The following SYNE2 variants were observed in gnomAD, a reference collection of about 807,000 sequenced individuals.
SYNE2 encodes nesprin-2.
SYNE2 carries 431 observed loss-of-function variants against 856.3 expected under a neutral mutation model. That is an observed-to-expected ratio of 0.50 (90% confidence interval 0.47 to 0.55). The LOEUF (loss-of-function observed/expected upper bound fraction) is 0.55, where lower values mean the gene tolerates loss of function less well. Among genes scored for constraint, SYNE2 ranks in the 20% least tolerant of loss-of-function variants. The pLI is 0.00. For synonymous variants in SYNE2, 2,923 were observed against 2,872.3 expected, an observed-to-expected ratio of 1.02 and a Z score of -0.56; for missense variants, 8,129 against 8,023.2, an observed-to-expected ratio of 1.01 and a Z score of -0.50.
intron 73 of SYNE2, among the ~76,000 whole-genome samples, chr14:64,127,535 G>T (rs1856434433): frequency 6.6e-6 from 1 of 152,170 alleles, no homozygotes; most frequent in African/African-American, 2.4e-5. Flanking sequence ...AAATGGTGGG[G>T]CGGGGGAGGC....
chr14:63,969,021 T>C (rs1168277762), intron 11 of SYNE2, among the ~76,000 whole-genome samples: 1 of 152,194 alleles, frequency 6.6e-6, no homozygotes, highest in Admixed American at 6.6e-5. Flanking sequence ...CCTTCTACTG[T>C]CTGTCTCCAT....
At chr14:63,882,711 A>G (rs2094893329) in intron 1 of SYNE2, among the ~76,000 whole-genome samples, 1 of 151,864 alleles carries the variant, frequency 6.6e-6, no homozygotes, top group Non-Finnish European at 1.5e-5. Flanking sequence ...ATCTCAGAAA[A>G]ACAAACAAAC....
intron 1 of SYNE2, among the ~76,000 whole-genome samples, chr14:63,807,865 A>ATT (rs1267385896): frequency 3.1e-5 from 3 of 97,402 alleles, no homozygotes; most frequent in African/African-American, 1.1e-4. Flanking sequence ...ATATATATAT[A>ATT]ATTTCAATAG....
chr14:64,087,343 A>C, intron 57 of SYNE2: 1 of 499,118 alleles, frequency 2.0e-6, no homozygotes, highest in Non-Finnish European at 4.0e-6. Context: ...GACATCTTAA[A>C]TTTGAAAGTT....
intron 83 of SYNE2, among the ~76,000 whole-genome samples, chr14:64,145,085 C>T (rs942148939): frequency 6.6e-6 from 1 of 151,858 alleles, no homozygotes; most frequent in African/African-American, 2.4e-5. Context: ...TGCCGCCACG[C>T]CTAGCTAATT....
chr14:63,977,783 G>A, intron 12 of SYNE2, 122 bp from the exon 13 acceptor site: 4 of 729,092 alleles, frequency 5.5e-6, no homozygotes, highest in Non-Finnish European at 9.7e-6. Flanking sequence ...AAAAAGGTGG[G>A]TTGTGGGGAG....
intron 101 of SYNE2, 92 bp from the exon 102 acceptor site, chr14:64,209,336 C>T (rs564624555): frequency 3.1e-6 from 5 of 1,601,024 alleles, no homozygotes; most frequent in South Asian, 2.2e-5. Context: ...GGGTCTCCCC[C>T]ACTAAACCGT....
chr14:64,219,051 G>C (rs972293873), intron 109 of SYNE2, among the ~76,000 whole-genome samples, 157 bp from the exon 110 acceptor site: 1 of 149,112 alleles, frequency 6.7e-6, no homozygotes, highest in African/African-American at 2.5e-5. Context: ...CAGGAGAAGA[G>C]AGAACTCCCA....
At chr14:64,053,757 A>C (rs1027185389) in intron 48 of SYNE2, 100 bp downstream of exon 48, 4 of 1,195,716 alleles carry the variant, frequency 3.3e-6, no homozygotes, top group Non-Finnish European at 3.5e-6. Context: ...ACTTGAGGCC[A>C]AGTAGAGACC....
Position 64,097,961 on chromosome 14 carries a change from C to T in SYNE2, c.12121C>T (p.Arg4041Cys), listed in dbSNP as rs146197259. 265 of 1,614,204 alleles carry T rather than the reference C, an allele frequency of 1.6e-4. 4 individuals are homozygous for T. Among genetic ancestry groups the T allele is most frequent in the East Asian group, 1.3e-3 (58 of 44,888 alleles). The change falls in exon 62 of 116, where the codon CGT becomes TGT. Residue 4041 changes from arginine to cysteine, a missense_variant. Physicochemically the swap from Arg to Cys is radical, Grantham distance 180. This residue lies in a region of SYNE2 where 5,410 missense variants were observed against 5,284.8 expected (regional missense o/e 1.02). Coordinates refer to ENST00000555002, the MANE Select transcript of SYNE2 (RefSeq NM_182914.3). ...KLPQLQGEIE[R>C]MEKQILSLNQ... ...TCTTTCTACACAGGGAGAAATCGAA[C>T]GTATGGAGAAACAGATTCTGAGTTT...
At chr14:64,016,652 T>C (rs1178057727) in intron 33 of SYNE2, 21 bp downstream of exon 33, 6 of 1,526,394 alleles carry the variant, frequency 3.9e-6, no homozygotes, top group Non-Finnish European at 5.4e-6. Context: ...ATTTCATTGA[T>C]TGCAAATTTA....
chr14:64,174,791 T>A (rs1459279916), intron 94 of SYNE2, among the ~76,000 whole-genome samples, 153 bp from the exon 95 acceptor site: 1 of 152,234 alleles, frequency 6.6e-6, no homozygotes. Context: ...TAGCTTTTGA[T>A]GTGTGTGTGT....
chr14:64,010,483 TAG>T (rs1207260226), intron 32 of SYNE2, among the ~76,000 whole-genome samples: 3 of 152,178 alleles, frequency 2.0e-5, no homozygotes, highest in Non-Finnish European at 2.9e-5. Flanking sequence ...TCTCTGTTGT[TAG>T]TAGAGTGAGG....
chr14:64,080,443 T>C lies in SYNE2; in HGVS notation c.11164-13T>C. On this transcript the variant is annotated splice_polypyrimidine_tract_variant and intron_variant, in intron 55 of 115. Transcript: ENST00000555002. ...CCTCTTCATTCAAGTTGACTTACGA[T>C]TTCCTTCTCCAGAAAATGTGGGACG... 1 of 1,614,092 alleles carries C rather than the reference T, an allele frequency of 6.2e-7. No homozygotes were observed.
In SYNE2 at chr14:64,085,139, G is replaced by A. The variant is rs546628147; in HGVS notation, c.11485-2532G>A. 114 of 617,642 alleles carry A rather than the reference G, an allele frequency of 1.8e-4. 2 individuals carry two copies. In the South Asian group the frequency reaches 2.0e-3, roughly 11 times the overall value. 38.3% of individuals were successfully genotyped at this position (617,642 alleles called of 1,614,324 possible). ...CCAGGCTGGAGTGCAGTGGCACAAT[G>A]TCGGCTCACTGCAGCCTCCACCTTC... is the stretch of plus-strand genomic sequence containing the variant. On this transcript the variant is annotated intron_variant, in intron 57 of 115. Transcript: ENST00000555002.
At chr14:63,992,561 G>C (rs567664896) in intron 21 of SYNE2, among the ~76,000 whole-genome samples, 2 of 152,158 alleles carry the variant, frequency 1.3e-5, no homozygotes, top group Non-Finnish European at 2.9e-5. Flanking sequence ...GATTATGGAC[G>C]TGAGCCACTG....
At chr14:64,174,922 T>C in intron 94 of SYNE2, 22 bp from the exon 95 acceptor site, 2 of 1,610,670 alleles carry the variant, frequency 1.2e-6, no homozygotes, top group Non-Finnish European at 1.7e-6. Context: ...CCTAAGCAAA[T>C]TACTTCTCTT....
At chr14:63,939,370 C>T (rs12895742) in intron 2 of SYNE2, among the ~76,000 whole-genome samples, 26,305 of 137,262 alleles carry the variant, frequency 0.19, 2,873 homozygotes, top group African/African-American at 0.31. Flanking sequence ...TTTTTTGAGA[C>T]GAAGTCTCGC....
At chr14:63,773,603 T>A (rs1209906143) in intron 1 of SYNE2, among the ~76,000 whole-genome samples, 2 of 152,186 alleles carry the variant, frequency 1.3e-5, no homozygotes, top group African/African-American at 4.8e-5. Flanking sequence ...CGTGCTAGAA[T>A]ATAGTGATTA....
Sources: allele counts gnomAD v4.1 joint callset (sites outside exome capture counted in the v4.1 genomes callset), GRCh38; gene constraint gnomAD v4.1.1; regional missense constraint gnomAD v4.1.1; transcripts MANE v1.5; gene names NCBI Gene and HGNC (gene_info 2026-07-23, HGNC 2026-07-21).